The following DIP2C variants were observed in gnomAD, a reference collection of about 807,000 sequenced individuals.
DIP2C encodes DIP2 acetate--CoA ligase C (putative), also known as disco-interacting protein 2 homolog C.
DIP2C carries 33 observed loss-of-function variants against 192.4 expected under a neutral mutation model. The observed-to-expected ratio is 0.17, with a 90% confidence interval of 0.13 to 0.23. DIP2C has a LOEUF of 0.23. Ranked by LOEUF, DIP2C falls within the 10% of genes least tolerant of loss-of-function variation. DIP2C has a pLI of 1.00. For missense variants in DIP2C, 1,537 were observed against 2,110.1 expected (o/e 0.73, Z 5.32); for synonymous variants, 979 against 864.1 (o/e 1.13, Z -2.33).
At chr10:323,934 GGTT>G (rs933746472) in intron 31 of DIP2C, among the ~76,000 whole-genome samples, 2 of 152,040 alleles carry the variant, frequency 1.3e-5, no homozygotes, top group African/African-American at 4.8e-5. Context: ...ATCACCATCA[GGTT>G]TTTTTAATTT....
At position 627,990 on chromosome 10, in the gene DIP2C, G is replaced by A. The variant is rs74115088; in HGVS notation, c.85+61504C>T. Reference sequence around the variant, plus strand: ...TACCGGGGTACTAAAATGCAGCATCGGAATGTTTAAAGGTCTTTAAATATC... The same window carrying A: ...TACCGGGGTACTAAAATGCAGCATCAGAATGTTTAAAGGTCTTTAAATATC... On this transcript the variant is annotated intron_variant, in intron 1 of 36. Transcript: ENST00000280886. Among the ~76,000 whole-genome samples the A allele has an allele frequency of 6.3e-3, 959 of 152,266 alleles. 12 individuals are homozygous for A. The highest frequency in any genetic ancestry group is 0.021 in the African/African-American group (877 of 41,532).
chr10:439,033 G>A (rs1324358454), intron 4 of DIP2C, among the ~76,000 whole-genome samples: 1 of 152,092 alleles, frequency 6.6e-6, no homozygotes, highest in Non-Finnish European at 1.5e-5. Context: ...AAGGCATTTT[G>A]GTACATTTTG....
chr10:506,018 G>A (rs1236381303), intron 1 of DIP2C, among the ~76,000 whole-genome samples: 1 of 152,100 alleles, frequency 6.6e-6, no homozygotes, highest in Admixed American at 6.5e-5. Context: ...GACAAAAGGA[G>A]GTTGTGACAT....
In DIP2C at chr10:485,565, C is replaced by T. The variant is rs558834910; in HGVS notation, c.157+894G>A. 1.4e-3 allele frequency among the ~76,000 whole-genome samples: 206 copies of T among 152,310 alleles called. 1 individual carries two copies. The highest frequency in any genetic ancestry group is 4.5e-3 in the African/African-American group (189 of 41,570). ...ACTACCAATAGCAGAATCTCCACAC[C>T]GTTTCCTGCAGCCTGAGCCTCAGGA... On this transcript the variant is annotated intron_variant, in intron 2 of 36. Transcript: ENST00000280886.
intron 1 of DIP2C, among the ~76,000 whole-genome samples, chr10:496,482 C>A (rs991812909): frequency 4.9e-5 from 7 of 142,832 alleles, no homozygotes; most frequent in African/African-American, 1.8e-4. Context: ...GCTGAGTGCA[C>A]AGAACCCACA....
intron 3 of DIP2C, among the ~76,000 whole-genome samples, chr10:441,543 C>T (rs962876361): frequency 3.9e-5 from 6 of 152,142 alleles, no homozygotes; most frequent in Non-Finnish European, 5.9e-5. Flanking sequence ...TGGGGCCCAT[C>T]TTTCCCGTGC....
intron 9 of DIP2C, among the ~76,000 whole-genome samples, chr10:407,893 A>G (rs373898313): frequency 4.6e-5 from 7 of 152,122 alleles, no homozygotes; most frequent in African/African-American, 1.4e-4. Flanking sequence ...CACTCTCTTG[A>G]TAGTACTCTT....
intron 1 of DIP2C, among the ~76,000 whole-genome samples, chr10:584,579 AC>A (rs1343686283): frequency 1.4e-5 from 1 of 72,148 alleles, no homozygotes; most frequent in Non-Finnish European, 2.6e-5. Context: ...CCGCGACCTG[AC>A]CCCCACTCAC....
intron 3 of DIP2C, among the ~76,000 whole-genome samples, chr10:452,550 G>C (rs1968933519): frequency 6.6e-6 from 1 of 152,146 alleles, no homozygotes; most frequent in South Asian, 2.1e-4. Context: ...AGCCAGAAAG[G>C]AGCATCCGGC....
chr10:305,183 C>T (rs1956255364), intron 32 of DIP2C, among the ~76,000 whole-genome samples: 1 of 152,222 alleles, frequency 6.6e-6, no homozygotes, highest in Admixed American at 6.5e-5. Flanking sequence ...TGCATATATG[C>T]ACTTATACTT....
chr10:514,237 A>G lies in DIP2C; in HGVS notation c.86-27707T>C, dbSNP rs1035064610. Among the ~76,000 whole-genome samples the G allele has an allele frequency of 2.6e-5, 4 of 152,066 alleles. No homozygotes were observed. The East Asian group carries it at 7.7e-4, about 29-fold the overall frequency. On this transcript the variant is annotated intron_variant, in intron 1 of 36. Coordinates refer to ENST00000280886, the MANE Select transcript of DIP2C (RefSeq NM_014974.3). The stretch of plus-strand genomic sequence containing the variant: ...GGGCTTTGCTCACTCTAGCCAGGAG[A>G]GCGTATTTACACAGTGCATTATCGA...
intron 1 of DIP2C, among the ~76,000 whole-genome samples, chr10:550,595 CAGA>C (rs1376926241): frequency 6.6e-6 from 1 of 152,166 alleles, no homozygotes; most frequent in East Asian, 1.9e-4. Flanking sequence ...TGTGACCTCC[CAGA>C]AGCTCTTCTC....
At chr10:295,946 C>T (rs3132004) in intron 32 of DIP2C, among the ~76,000 whole-genome samples, 118,650 of 152,132 alleles carry the variant, frequency 0.78, 47,141 homozygotes, top group Non-Finnish European at 0.85. Context: ...TCATATCCTT[C>T]GCCCACTTTT....
chr10:631,056 T>G (rs1438619482), intron 1 of DIP2C: 1 of 152,226 alleles, frequency 6.6e-6, no homozygotes, highest in Non-Finnish European at 1.5e-5. Flanking sequence ...TCCGCCCCCA[T>G]CTCCTCTGCC....
intron 9 of DIP2C, among the ~76,000 whole-genome samples, chr10:400,391 T>C (rs1051792135): frequency 1.4e-4 from 21 of 152,336 alleles, no homozygotes; most frequent in Non-Finnish European, 2.8e-4. Flanking sequence ...CCTTCGATGA[T>C]AGAGTGTTAA....
chr10:405,171 C>A (rs141645427), intron 9 of DIP2C, among the ~76,000 whole-genome samples: 17 of 152,234 alleles, frequency 1.1e-4, no homozygotes, highest in African/African-American at 4.1e-4. Context: ...ACAGCTGAGA[C>A]GGAGAGGATG....
chr10:352,392 G>A (rs537265123), intron 24 of DIP2C, among the ~76,000 whole-genome samples: 39 of 152,340 alleles, frequency 2.6e-4, no homozygotes, highest in Admixed American at 3.3e-4. Context: ...CTCAATGCTG[G>A]TTGATGTCTT....
Position 553,391 on chromosome 10 carries a change from C to G in DIP2C, c.86-66861G>C, listed in dbSNP as rs144339301. ...CAACACAGGTGCCGCCACTAAGTCC[C>G]TCAAGCCCTTCGTGAGCCTAGAGCC... On this transcript the variant is annotated intron_variant, in intron 1 of 36. Transcript: ENST00000280886. Among the ~76,000 whole-genome samples, 195 of 152,352 alleles carry G rather than the reference C, an allele frequency of 1.3e-3. 2 individuals are homozygous for G. The East Asian group carries it at 0.026, about 20-fold the overall frequency.
chr10:336,446 C>T (rs970507778), intron 29 of DIP2C, among the ~76,000 whole-genome samples: 3 of 152,164 alleles, frequency 2.0e-5, no homozygotes, highest in Admixed American at 6.5e-5. Flanking sequence ...TCTGTTTACA[C>T]GATGAATCAC....
Sources: gnomAD v4.1 joint callset for allele counts (sites outside exome capture counted in the v4.1 genomes callset) on GRCh38, gnomAD v4.1.1 for gene constraint, MANE v1.5 for transcripts, NCBI Gene and HGNC (gene_info 2026-07-23, HGNC 2026-07-21) for gene names.